ACSM5: variants seen among roughly 807,000 people sequenced by gnomAD.
ACSM5 encodes acyl-coenzyme A synthetase ACSM5, mitochondrial.
Under a neutral mutation model 71.6 loss-of-function variants are expected in ACSM5, and 56 were observed. That is an observed-to-expected ratio of 0.78 (90% CI 0.63 to 0.98). The LOEUF (loss-of-function observed/expected upper bound fraction) is 0.98, where lower values mean the gene tolerates loss of function less well. Ranked by LOEUF, ACSM5 falls within the 50% of genes least tolerant of loss-of-function variation. The pLI, the probability that ACSM5 is intolerant of heterozygous loss-of-function variation, is 0.00. For synonymous variants in ACSM5, 285 were observed against 281.5 expected (o/e 1.01, Z -0.12); for missense variants, 723 against 726.0 (o/e 1.00, Z 0.05).
chr16:20,411,741 T>G (rs1386133129), intron 2 of ACSM5, 53 bp downstream of exon 2: 18 of 1,551,596 alleles, frequency 1.2e-5, no homozygotes, highest in Admixed American at 1.7e-5. Flanking sequence ...GCTGCCCTCA[T>G]GTACCACAAT....
chr16:20,427,478 C>CAG (rs1431412334), intron 6 of ACSM5, among the ~76,000 whole-genome samples: 2 of 152,188 alleles, frequency 1.3e-5, no homozygotes, highest in Non-Finnish European at 2.9e-5. Flanking sequence ...CCAAGAAAGG[C>CAG]AGAGAGAAAG....
Position 20,423,913 on chromosome 16 carries a change from C to T in ACSM5, c.768-3C>T, listed in dbSNP as rs1211258199. ...GTTACTGACGTTCTCTAATTTTTGG[C>T]AGACGGTGGGTGGCCTTGACCGAAT... On this transcript the variant is annotated splice_region_variant and splice_polypyrimidine_tract_variant and intron_variant, in intron 5 of 13. Coordinates refer to ENST00000331849, the MANE Select transcript of ACSM5 (RefSeq NM_017888.3). 6.2e-7 allele frequency: 1 copy of T among 1,613,168 alleles called. No homozygotes were observed. Among genetic ancestry groups the T allele is most frequent in the East Asian group, 2.2e-5 (1 of 44,884 alleles).
chr16:20,426,522 T>G (rs1314163565), intron 6 of ACSM5, among the ~76,000 whole-genome samples: 1 of 152,178 alleles, frequency 6.6e-6, no homozygotes, highest in African/African-American at 2.4e-5. Context: ...CATCCACAGA[T>G]GAATGAATAA....
chr16:20,436,767 C>T (rs974909551), intron 10 of ACSM5, among the ~76,000 whole-genome samples: 3 of 152,162 alleles, frequency 2.0e-5, no homozygotes, highest in African/African-American at 7.2e-5. Context: ...TGTGCCCACC[C>T]TCCTGCTTTC....
At chr16:20,438,771 C>A (rs1469398043) in intron 12 of ACSM5, among the ~76,000 whole-genome samples, 1 of 150,428 alleles carries the variant, frequency 6.6e-6, no homozygotes. Context: ...CTGGCTAACA[C>A]AGTGAAACCC....
At chr16:20,417,030 A>AT (rs1235558609) in intron 2 of ACSM5, among the ~76,000 whole-genome samples, 1 of 151,740 alleles carries the variant, frequency 6.6e-6, no homozygotes, top group Non-Finnish European at 1.5e-5. Flanking sequence ...TGGCAAAAAA[A>AT]AAAAAAAAAG....
At chr16:20,438,193 C>G (rs992655817) in intron 12 of ACSM5, among the ~76,000 whole-genome samples, 13 of 151,886 alleles carry the variant, frequency 8.6e-5, no homozygotes, top group African/African-American at 3.1e-4. Flanking sequence ...AACAGGCAGA[C>G]TTAGGTACTT....
rs1967013730 is a variant in ACSM5, at chr16:20,427,780, T to C, written c.922-8T>C. 6.2e-7 allele frequency: 1 copy of C among 1,605,246 alleles called. No homozygotes were observed. The highest frequency in any genetic ancestry group is 8.5e-7 in the Non-Finnish European group (1 of 1,171,950). On this transcript the variant is annotated splice_region_variant and splice_polypyrimidine_tract_variant and intron_variant, in intron 6 of 13. Coordinates refer to ENST00000331849, the MANE Select transcript of ACSM5 (RefSeq NM_017888.3). ...TAAGGACATCTTTCACCCTTTGTTTTTGTTTAGACTCTCTCCAAATTCCCG... is the reference window on the plus strand; with the variant it reads ...TAAGGACATCTTTCACCCTTTGTTTCTGTTTAGACTCTCTCCAAATTCCCG...
At chr16:20,432,980 C>G (rs1207116381) in intron 10 of ACSM5, among the ~76,000 whole-genome samples, 2 of 151,236 alleles carry the variant, frequency 1.3e-5, no homozygotes, top group African/African-American at 4.9e-5. Flanking sequence ...GCTCCAGTCT[C>G]CCAAGTAACT....
chr16:20,410,203 T>C (rs989935720), intron 1 of ACSM5, among the ~76,000 whole-genome samples: 1 of 152,216 alleles, frequency 6.6e-6, no homozygotes. Context: ...TTTCTTGTTG[T>C]GCCACGTTAT....
intron 2 of ACSM5, 84 bp downstream of exon 2, chr16:20,411,772 T>C: frequency 7.0e-7 from 1 of 1,422,116 alleles, no homozygotes. Flanking sequence ...GCTCCAAGCA[T>C]GTTGATGAGG....
intron 6 of ACSM5, 96 bp downstream of exon 6, chr16:20,424,165 G>T: frequency 6.8e-7 from 1 of 1,462,486 alleles, no homozygotes; most frequent in Non-Finnish European, 9.2e-7. Context: ...ACATAAATCA[G>T]TGAATTTAAG....
intron 8 of ACSM5, among the ~76,000 whole-genome samples, 194 bp from the exon 9 acceptor site, chr16:20,430,799 A>G (rs545765229): frequency 2.3e-4 from 32 of 138,642 alleles, no homozygotes; most frequent in Non-Finnish European, 3.7e-4. Flanking sequence ...GTGAGCAAGG[A>G]AGAAAAAAGA....
chr16:20,424,143 G>T (rs1681935447), intron 6 of ACSM5, 74 bp downstream of exon 6: 2 of 1,549,714 alleles, frequency 1.3e-6, no homozygotes, highest in Non-Finnish European at 1.7e-6. Context: ...ATTTCAGACT[G>T]CAGGAGAAAA....
intron 10 of ACSM5, among the ~76,000 whole-genome samples, chr16:20,436,783 T>C (rs1319739678): frequency 6.6e-6 from 1 of 152,132 alleles, no homozygotes; most frequent in Non-Finnish European, 1.5e-5. Flanking sequence ...CTTTCAACTA[T>C]GCTTTCTAGA....
At chr16:20,429,860 C>T in intron 8 of ACSM5, 59 bp downstream of exon 8, 2 of 1,585,766 alleles carry the variant, frequency 1.3e-6, no homozygotes, top group East Asian at 2.3e-5. Context: ...CTTCCTGCCT[C>T]TCCGGCTGTC....
chr16:20,430,166 C>T (rs1318261404), intron 8 of ACSM5, among the ~76,000 whole-genome samples: 1 of 150,812 alleles, frequency 6.6e-6, no homozygotes, highest in African/African-American at 2.4e-5. Context: ...ATCCATGTTA[C>T]AAAAAAACGC....
intron 10 of ACSM5, among the ~76,000 whole-genome samples, chr16:20,431,802 T>A (rs1325592567): frequency 6.6e-6 from 1 of 151,836 alleles, no homozygotes; most frequent in East Asian, 1.9e-4. Context: ...AATACAAAAA[T>A]CAGCCAGGCA....
intron 2 of ACSM5, among the ~76,000 whole-genome samples, chr16:20,414,004 A>T (rs933234656): frequency 1.3e-5 from 2 of 152,230 alleles, no homozygotes; most frequent in African/African-American, 4.8e-5. Flanking sequence ...TAAACAAATG[A>T]CAACAAGCAG....
Sources: gnomAD v4.1 joint callset for allele counts (sites outside exome capture counted in the v4.1 genomes callset) on GRCh38, gnomAD v4.1.1 for gene constraint, MANE v1.5 for transcripts, NCBI Gene and HGNC (gene_info 2026-07-23, HGNC 2026-07-21) for gene names.